ULK4: variants seen among roughly 807,000 people sequenced by gnomAD.
ULK4 encodes the protein unc-51 like kinase 4, also known as inactive serine/threonine-protein kinase ULK4.
Under a neutral mutation model 160.6 loss-of-function variants are expected in ULK4, and 133 were observed. That is an observed-to-expected ratio of 0.83 (90% CI 0.72 to 0.96). The LOEUF is 0.96. ULK4 is among the 40% of genes least tolerant of loss of function. The pLI, the probability that ULK4 is intolerant of heterozygous loss-of-function variation, is 0.00. For synonymous variants in ULK4, 534 were observed against 539.8 expected (o/e 0.99, Z 0.15); for missense variants, 1,580 against 1,499.5 (o/e 1.05, Z -0.89).
chr3:41,669,591 T>C (rs2035463674), intron 29 of ULK4, among the ~76,000 whole-genome samples: 1 of 152,050 alleles, frequency 6.6e-6, no homozygotes, highest in Non-Finnish European at 1.5e-5. Context: ...AGAAATTCTA[T>C]CCCTAGAGAT....
intron 32 of ULK4, among the ~76,000 whole-genome samples, chr3:41,550,784 A>T (rs144570705): frequency 6.6e-6 from 1 of 152,182 alleles, no homozygotes; most frequent in African/African-American, 2.4e-5. Context: ...GATCATATGG[A>T]CCTAACATAC....
At chr3:41,897,623 A>T (rs866781923) in intron 14 of ULK4, among the ~76,000 whole-genome samples, 17 of 152,280 alleles carry the variant, frequency 1.1e-4, no homozygotes, top group Middle Eastern at 3.4e-3. Context: ...TCCAGGTGAT[A>T]ATTCTCTAGG....
intron 35 of ULK4, among the ~76,000 whole-genome samples, chr3:41,278,700 C>T (rs1472046197): frequency 6.6e-6 from 1 of 152,182 alleles, no homozygotes; most frequent in Non-Finnish European, 1.5e-5. Flanking sequence ...AGACCTGCAC[C>T]TGAGGGGCCT....
At chr3:41,747,736 T>TGC (rs2038465968) in intron 22 of ULK4, among the ~76,000 whole-genome samples, 1 of 152,002 alleles carries the variant, frequency 6.6e-6, no homozygotes, top group East Asian at 1.9e-4. Flanking sequence ...ACACCATGAG[T>TGC]GCACACACAC....
At chr3:41,789,540 T>C (rs909150559) in intron 21 of ULK4, 121 bp downstream of exon 21, 2 of 946,932 alleles carry the variant, frequency 2.1e-6, no homozygotes, top group Non-Finnish European at 3.0e-6. Flanking sequence ...TTTGGCAAAG[T>C]TCAAAAAGGC....
At chr3:41,266,663 T>C (rs1372917426) in intron 35 of ULK4, among the ~76,000 whole-genome samples, 1 of 152,184 alleles carries the variant, frequency 6.6e-6, no homozygotes. Context: ...TCAGTTGGGT[T>C]AGAGTGTAAA....
At chr3:41,360,725 A>G (rs957943949) in intron 35 of ULK4, among the ~76,000 whole-genome samples, 1 of 152,156 alleles carries the variant, frequency 6.6e-6, no homozygotes, top group Non-Finnish European at 1.5e-5. Flanking sequence ...ATGAGAACAC[A>G]TGTACACACG....
intron 7 of ULK4, among the ~76,000 whole-genome samples, chr3:41,916,470 C>T (rs1698968260): frequency 6.6e-6 from 1 of 152,104 alleles, no homozygotes; most frequent in Admixed American, 6.6e-5. Context: ...TTCACTCCAG[C>T]CTCTACCTCC....
At chr3:41,943,394 T>C (rs1254301051) in intron 2 of ULK4, among the ~76,000 whole-genome samples, 1 of 152,084 alleles carries the variant, frequency 6.6e-6, no homozygotes, top group Non-Finnish European at 1.5e-5. Flanking sequence ...CTGTTACACA[T>C]CCTAGCCTGT....
intron 1 of ULK4, among the ~76,000 whole-genome samples, chr3:41,957,815 A>G (rs575072142): frequency 1.3e-5 from 2 of 152,198 alleles, no homozygotes; most frequent in East Asian, 3.9e-4. Flanking sequence ...GGGAGGTTCA[A>G]TTGACGCCGG....
intron 19 of ULK4, among the ~76,000 whole-genome samples, chr3:41,818,176 T>C (rs891798044): frequency 2.0e-5 from 3 of 150,546 alleles, no homozygotes; most frequent in Non-Finnish European, 2.9e-5. Context: ...GTCCCACTGC[T>C]GGGTATATAT....
At chr3:41,604,394 G>A (rs769159077) in intron 31 of ULK4, among the ~76,000 whole-genome samples, 19 of 152,088 alleles carry the variant, frequency 1.2e-4, no homozygotes, top group Non-Finnish European at 2.5e-4. Flanking sequence ...GTACATTCCT[G>A]TATTATTTGA....
intron 31 of ULK4, among the ~76,000 whole-genome samples, chr3:41,573,332 G>A (rs1208934208): frequency 1.4e-5 from 2 of 138,752 alleles, no homozygotes; most frequent in Non-Finnish European, 3.1e-5. Flanking sequence ...GGAAACACTC[G>A]TGAAAAATGA....
chr3:41,696,143 C>T (rs2036490867), intron 27 of ULK4, among the ~76,000 whole-genome samples: 1 of 152,178 alleles, frequency 6.6e-6, no homozygotes, highest in African/African-American at 2.4e-5. Flanking sequence ...AAAGACTCTA[C>T]TCCTCCACCT....
chr3:41,683,171 C>T (rs1437637189), intron 27 of ULK4, among the ~76,000 whole-genome samples: 1 of 152,066 alleles, frequency 6.6e-6, no homozygotes, highest in Non-Finnish European at 1.5e-5. Context: ...TATATTGTTC[C>T]ACTGAGCTCT....
At chr3:41,892,695 G>A (rs1324727090) in intron 16 of ULK4, among the ~76,000 whole-genome samples, 1 of 152,094 alleles carries the variant, frequency 6.6e-6, no homozygotes, top group Non-Finnish European at 1.5e-5. Flanking sequence ...CCTTTCTTGG[G>A]AAACCAACCA....
At chr3:41,335,985 C>T (rs1176086172) in intron 35 of ULK4, among the ~76,000 whole-genome samples, 1 of 152,158 alleles carries the variant, frequency 6.6e-6, no homozygotes, top group Non-Finnish European at 1.5e-5. Flanking sequence ...TAGAACAAGG[C>T]TTTCTGAAAA....
intron 31 of ULK4, among the ~76,000 whole-genome samples, chr3:41,597,521 T>C (rs1462297137): frequency 2.6e-5 from 4 of 152,172 alleles, no homozygotes; most frequent in Admixed American, 1.3e-4. Flanking sequence ...TCCAGGCACC[T>C]ATAGAATCAA....
In ULK4 at chr3:41,938,345, T is replaced by A. The variant is rs1309269921; in HGVS notation, c.139-148A>T. The A allele has an allele frequency of 1.1e-5, 7 of 615,318 alleles. No homozygotes were observed. In the Admixed American group the frequency reaches 2.2e-4, roughly 19 times the overall value. 38.1% of individuals were successfully genotyped at this position (615,318 alleles called of 1,614,324 possible). On this transcript the variant is annotated intron_variant, in intron 2 of 36. Transcript: ENST00000301831. ...TCTATACAGACATTAGAAATCATGG[T>A]TATGAGGGCTAGTTACACAGAAAAA...
Sources: gnomAD v4.1 joint callset for allele counts (sites outside exome capture counted in the v4.1 genomes callset) on GRCh38, gnomAD v4.1.1 for gene constraint, MANE v1.5 for transcripts, NCBI Gene and HGNC (gene_info 2026-07-23, HGNC 2026-07-21) for gene names.